PACRG: variants seen among roughly 807,000 people sequenced by gnomAD.
PACRG encodes the protein parkin coregulated gene protein.
Under a neutral mutation model 29.7 loss-of-function variants are expected in PACRG, and 29 were observed. The ratio of observed to expected loss-of-function variants is 0.98; its 90% CI spans 0.73 to 1.33. The LOEUF (loss-of-function observed/expected upper bound fraction) is 1.33, where lower values mean the gene tolerates loss of function less well. Among genes scored for constraint, PACRG ranks in the 40% most tolerant of loss-of-function variants. PACRG has a pLI of 0.00. For synonymous variants in PACRG, 116 were observed against 118.7 expected (o/e 0.98, Z 0.15); for missense variants, 279 against 316.2 (o/e 0.88, Z 0.89).
intron 4 of PACRG, among the ~76,000 whole-genome samples, chr6:163,130,343 C>G (rs1168617845): frequency 6.6e-6 from 1 of 152,178 alleles, no homozygotes; most frequent in African/African-American, 2.4e-5. Context: ...CTATGCCCAA[C>G]GTCTGGCTAT....
In PACRG at chr6:163,129,231, G is replaced by C. The variant is rs1328712870; in HGVS notation, c.613+39823G>C. On this transcript the variant is annotated intron_variant, in intron 4 of 4. Coordinates refer to ENST00000366888, the MANE Select transcript of PACRG (RefSeq NM_001080379.2). ...ATTTGCATTTAAACAATTTGAGCGC[G>C]ATTTGAACATGCATTCAAATTCCAG... Among the ~76,000 whole-genome samples, 3 of 152,184 alleles carry C rather than the reference G, an allele frequency of 2.0e-5. No individual in the cohort carries two copies. The South Asian group carries it at 6.2e-4, about 32-fold the overall frequency.
intron 4 of PACRG, among the ~76,000 whole-genome samples, chr6:163,240,558 C>T (rs6929855): frequency 0.17 from 25,892 of 152,024 alleles, 2,407 homozygotes; most frequent in South Asian, 0.3. Context: ...TGGTCCCCTC[C>T]TCCTCAACCA....
chr6:162,948,792 C>T (rs1028503086), intron 2 of PACRG, among the ~76,000 whole-genome samples: 24 of 151,966 alleles, frequency 1.6e-4, no homozygotes, highest in African/African-American at 4.8e-4. Flanking sequence ...AAATGCTCAA[C>T]GTCACTAAGT....
intron 4 of PACRG, among the ~76,000 whole-genome samples, chr6:163,229,761 G>A (rs1781952585): frequency 6.6e-6 from 1 of 152,182 alleles, no homozygotes; most frequent in Non-Finnish European, 1.5e-5. Context: ...AGGAAGAAAA[G>A]ATGGATGAGG....
chr6:162,846,830 G>A (rs980489756), intron 2 of PACRG, among the ~76,000 whole-genome samples: 1 of 152,142 alleles, frequency 6.6e-6, no homozygotes, highest in African/African-American at 2.4e-5. Flanking sequence ...TCCGCACACT[G>A]TCCACTGTGC....
intron 3 of PACRG, among the ~76,000 whole-genome samples, chr6:163,069,516 A>G (rs1811851059): frequency 6.6e-6 from 1 of 152,182 alleles, no homozygotes; most frequent in Non-Finnish European, 1.5e-5. Context: ...TGACATACTG[A>G]AGAATGCATC....
intron 3 of PACRG, among the ~76,000 whole-genome samples, chr6:163,072,876 A>G (rs1812205249): frequency 6.6e-6 from 1 of 152,128 alleles, no homozygotes; most frequent in South Asian, 2.1e-4. Context: ...AGATAAAACT[A>G]AGTACCTAAG....
At chr6:163,201,859 A>G (rs1329703561) in intron 4 of PACRG, among the ~76,000 whole-genome samples, 3 of 152,102 alleles carry the variant, frequency 2.0e-5, no homozygotes, top group Non-Finnish European at 4.4e-5. Context: ...GTCCATTGCA[A>G]ATGGATCCAG....
chr6:162,902,280 G>A (rs887001801), intron 2 of PACRG, among the ~76,000 whole-genome samples: 24 of 152,180 alleles, frequency 1.6e-4, no homozygotes, highest in Non-Finnish European at 3.2e-4. Flanking sequence ...TAACTGTTAA[G>A]TAGGAAGCAA....
intron 1 of PACRG, among the ~76,000 whole-genome samples, chr6:162,789,484 T>G (rs910276629): frequency 6.6e-6 from 1 of 152,160 alleles, no homozygotes; most frequent in Non-Finnish European, 1.5e-5. Flanking sequence ...CAAAGAAGGT[T>G]ACTATAAAAA....
At chr6:162,952,385 C>T (rs913842590) in intron 2 of PACRG, among the ~76,000 whole-genome samples, 1 of 152,120 alleles carries the variant, frequency 6.6e-6, no homozygotes, top group African/African-American at 2.4e-5. Context: ...ATAACCCTTT[C>T]CTCTTTAATG....
chr6:163,200,280 G>A (rs1780642286), intron 4 of PACRG, among the ~76,000 whole-genome samples: 1 of 151,910 alleles, frequency 6.6e-6, no homozygotes. Context: ...TAGTCCCCTG[G>A]GACTCTTGCA....
chr6:162,828,700 G>A (rs1788488126), intron 2 of PACRG, among the ~76,000 whole-genome samples: 1 of 152,112 alleles, frequency 6.6e-6, no homozygotes, highest in Non-Finnish European at 1.5e-5. Flanking sequence ...TCCAAATAAG[G>A]TGACATTAAT....
At chr6:162,734,156 T>C (rs1484179036) in intron 1 of PACRG, among the ~76,000 whole-genome samples, 2 of 152,222 alleles carry the variant, frequency 1.3e-5, no homozygotes, top group African/African-American at 4.8e-5. Flanking sequence ...TGATGTTATA[T>C]AGATATTAAA....
intron 1 of PACRG, among the ~76,000 whole-genome samples, chr6:162,745,773 T>G (rs902011231): frequency 1.2e-4 from 19 of 152,174 alleles, no homozygotes. Flanking sequence ...TTAGTTAGTC[T>G]GTGGTAGTGA....
rs1194350134 is a variant in PACRG at position 162,728,160 on chromosome 6, ACCT to A, written c.-72_-70del. 5.9e-6 allele frequency: 9 copies of A among 1,515,834 alleles called. No homozygotes were observed. The African/African-American group carries it at 7.0e-5, about 12-fold the overall frequency. 93.9% of individuals were successfully genotyped at this position (1,515,834 alleles called of 1,614,324 possible). A position where few individuals can be genotyped will look rare whatever the true frequency, so the allele number is the denominator to read the frequency against. On this transcript the variant is annotated 5_prime_UTR_variant, in exon 1 of 5. Coordinates refer to ENST00000366888, the MANE Select transcript of PACRG (RefSeq NM_001080379.2). Reference sequence around the variant, plus strand: ...CGCGCCTTTTGATATTTTTTTCCAGACCTCCTGCTCACATCCGTAAAGCCCACT... The same window carrying A: ...CGCGCCTTTTGATATTTTTTTCCAGACCTGCTCACATCCGTAAAGCCCACT...
rs140249094 is a variant in PACRG at position 163,259,445 on chromosome 6, C to G, written c.614-55382C>G. ...TCCTGTGTCCCTCTCACTTGTGTCA[C>G]CTGCTGACCTCTTCAGCCACTGAAC... On this transcript the variant is annotated intron_variant, in intron 4 of 4. Coordinates refer to ENST00000366888, the MANE Select transcript of PACRG (RefSeq NM_001080379.2). Among the ~76,000 whole-genome samples the G allele has an allele frequency of 2.4e-3, 363 of 152,290 alleles. 4 individuals carry two copies. The highest frequency in any genetic ancestry group is 3.7e-3 in the Admixed American group (57 of 15,304).
chr6:162,766,997 A>C (rs978515680), intron 1 of PACRG, among the ~76,000 whole-genome samples: 6 of 151,962 alleles, frequency 3.9e-5, no homozygotes, highest in African/African-American at 9.7e-5. Context: ...GCATTTAATA[A>C]TTTTTAAATA....
chr6:162,759,750 A>AT (rs1378343905), intron 1 of PACRG, among the ~76,000 whole-genome samples: 3 of 152,230 alleles, frequency 2.0e-5, no homozygotes, highest in Non-Finnish European at 4.4e-5. Flanking sequence ...ATGGGTGATT[A>AT]TATAGGAACT....
Sources: allele counts gnomAD v4.1 joint callset (sites outside exome capture counted in the v4.1 genomes callset), GRCh38; gene constraint gnomAD v4.1.1; transcripts MANE v1.5; gene names NCBI Gene and HGNC (gene_info 2026-07-23, HGNC 2026-07-21).